TDRD5: variants seen among roughly 807,000 people sequenced by gnomAD.
TDRD5 encodes the protein tudor domain-containing protein 5.
Under a neutral mutation model 120.6 loss-of-function variants are expected in TDRD5, and 41 were observed. The ratio of observed to expected loss-of-function variants is 0.34; its 90% confidence interval spans 0.26 to 0.44. The LOEUF is 0.44. Ranked by LOEUF, TDRD5 falls within the 20% of genes least tolerant of loss-of-function variation. The probability of loss-of-function intolerance (pLI) is 1.00; values close to 1 mark genes in which losing one functional copy is unlikely to be tolerated. For synonymous variants in TDRD5, 430 were observed against 433.7 expected (o/e 0.99, Z 0.11); for missense variants, 1,006 against 1,221.2 (o/e 0.82, Z 2.63).
chr1:179,658,280 G>A (rs1679110794), intron 14 of TDRD5, among the ~76,000 whole-genome samples: 1 of 152,124 alleles, frequency 6.6e-6, no homozygotes. Flanking sequence ...TGAGTTGGAA[G>A]TATTCGCTCA....
chr1:179,636,980 T>C (rs1677797461), intron 9 of TDRD5, among the ~76,000 whole-genome samples: 1 of 152,230 alleles, frequency 6.6e-6, no homozygotes, highest in Non-Finnish European at 1.5e-5. Flanking sequence ...GACTATACTT[T>C]GAGAACTACT....
chr1:179,620,382 C>T (rs1572355149), intron 5 of TDRD5, among the ~76,000 whole-genome samples: 1 of 151,874 alleles, frequency 6.6e-6, no homozygotes, highest in Non-Finnish European at 1.5e-5. Flanking sequence ...ATGCAGAACT[C>T]AAGCATGAGG....
chr1:179,680,206 T>C (rs539492711), intron 17 of TDRD5, among the ~76,000 whole-genome samples: 3 of 152,326 alleles, frequency 2.0e-5, no homozygotes, highest in Admixed American at 6.5e-5. Context: ...TTTGACACTT[T>C]TATAGCCTAC....
intron 17 of TDRD5, among the ~76,000 whole-genome samples, chr1:179,678,718 T>C (rs1680267963): frequency 6.6e-6 from 1 of 152,218 alleles, no homozygotes; most frequent in African/African-American, 2.4e-5. Context: ...TTATTACTGG[T>C]ATATAGAAAT....
At chr1:179,600,616 T>G (rs552031986) in intron 4 of TDRD5, among the ~76,000 whole-genome samples, 1 of 152,240 alleles carries the variant, frequency 6.6e-6, no homozygotes, top group African/African-American at 2.4e-5. Context: ...ATTTTTTTTA[T>G]TTTTCCACTT....
chr1:179,642,605 A>G (rs1678114352), intron 11 of TDRD5, among the ~76,000 whole-genome samples: 1 of 152,174 alleles, frequency 6.6e-6, no homozygotes, highest in Non-Finnish European at 1.5e-5. Flanking sequence ...TTTTATCTTC[A>G]TAATGCTTTA....
At chr1:179,658,443 T>C (rs1424164223) in intron 14 of TDRD5, among the ~76,000 whole-genome samples, 1 of 152,202 alleles carries the variant, frequency 6.6e-6, no homozygotes, top group Non-Finnish European at 1.5e-5. Flanking sequence ...CTTTAGTAGA[T>C]ATAAGATTAT....
At chr1:179,608,376 C>T (rs185918699) in intron 4 of TDRD5, among the ~76,000 whole-genome samples, 3 of 152,114 alleles carry the variant, frequency 2.0e-5, no homozygotes, top group South Asian at 2.1e-4. Flanking sequence ...ATATTTTTCT[C>T]TCCTCTTTTG....
chr1:179,648,168 T>G (rs1246992818), intron 11 of TDRD5, among the ~76,000 whole-genome samples: 1 of 144,436 alleles, frequency 6.9e-6, no homozygotes, highest in Non-Finnish European at 1.5e-5. Flanking sequence ...TGCGGCATTA[T>G]TCACAATAGC....
intron 11 of TDRD5, among the ~76,000 whole-genome samples, chr1:179,648,140 A>G (rs1054272769): frequency 1.4e-5 from 2 of 146,928 alleles, no homozygotes; most frequent in African/African-American, 4.9e-5. Flanking sequence ...ATAAAGACAC[A>G]TGCACACGTA....
chr1:179,675,278 T>TA (rs1558424190), intron 17 of TDRD5, among the ~76,000 whole-genome samples: 2 of 120,882 alleles, frequency 1.7e-5, no homozygotes, highest in African/African-American at 6.5e-5. Flanking sequence ...TTATTATTTT[T>TA]TTTTTTTTTT....
chr1:179,608,258 ACTTTT>A (rs1475094236), intron 4 of TDRD5, among the ~76,000 whole-genome samples: 1 of 149,174 alleles, frequency 6.7e-6, no homozygotes, highest in Non-Finnish European at 1.5e-5. Context: ...CCCTTGTTGT[ACTTTT>A]CTTTATTTTT....
At chr1:179,656,412 T>A (rs1679010634) in intron 14 of TDRD5, among the ~76,000 whole-genome samples, 1 of 152,244 alleles carries the variant, frequency 6.6e-6, no homozygotes, top group Non-Finnish European at 1.5e-5. Context: ...GTGTCTTTCA[T>A]ACAGAAGTTT....
chr1:179,636,936 C>A (rs1677795590), intron 9 of TDRD5, among the ~76,000 whole-genome samples: 3 of 152,158 alleles, frequency 2.0e-5, no homozygotes, highest in Admixed American at 6.5e-5. Context: ...AAAGAAATGG[C>A]TAGTTCGTCT....
At chr1:179,650,446 G>A (rs1398456246) in intron 11 of TDRD5, among the ~76,000 whole-genome samples, 1 of 147,508 alleles carries the variant, frequency 6.8e-6, no homozygotes, top group Non-Finnish European at 1.5e-5. Flanking sequence ...TGGATTAGCA[G>A]ATACCCTTAA....
At chr1:179,644,531 T>A (rs1008596873) in intron 11 of TDRD5, among the ~76,000 whole-genome samples, 17 of 152,122 alleles carry the variant, frequency 1.1e-4, no homozygotes, top group Non-Finnish European at 1.5e-5. Flanking sequence ...TAATATTTTG[T>A]TTCAACTTTT....
In TDRD5 at chr1:179,691,075, T is replaced by C. The variant is rs1054018249; in HGVS notation, c.*132T>C. ...ATACTTTTGTCTTTCTGTGACTATA[T>C]GTTAGCTTTATTATGCTAACAGTCT... On this transcript the variant is annotated 3_prime_UTR_variant, in exon 18 of 18. Transcript: ENST00000444136. The C allele has an allele frequency of 8.1e-7, 1 of 1,236,350 alleles. No individual in the cohort carries two copies. Among genetic ancestry groups the C allele is most frequent in the Non-Finnish European group, 1.1e-6 (1 of 920,652 alleles). The allele number at this position is 1,236,350 out of a possible 1,614,324, so 76.6% of individuals were successfully genotyped here.
chr1:179,631,305 T>C (rs1677435817), intron 7 of TDRD5, among the ~76,000 whole-genome samples: 1 of 152,142 alleles, frequency 6.6e-6, no homozygotes, highest in South Asian at 2.1e-4. Flanking sequence ...GGCAGGAGAA[T>C]GGCATGAACC....
At chr1:179,668,271 C>T (rs572539772) in intron 16 of TDRD5, among the ~76,000 whole-genome samples, 4 of 152,194 alleles carry the variant, frequency 2.6e-5, no homozygotes, top group Non-Finnish European at 4.4e-5. Flanking sequence ...GCATGCAGCT[C>T]TTGCCTCCTT....
Sources: allele counts gnomAD v4.1 joint callset (sites outside exome capture counted in the v4.1 genomes callset), GRCh38; gene constraint gnomAD v4.1.1; transcripts MANE v1.5; gene names NCBI Gene and HGNC (gene_info 2026-07-23, HGNC 2026-07-21).